CMC2: variants seen among roughly 807,000 people sequenced by gnomAD.
CMC2 encodes the protein C-X9-C motif containing 2, also known as COX assembly mitochondrial protein 2 homolog.
CMC2 carries 5 observed loss-of-function variants against 7.5 expected under a neutral mutation model. The observed-to-expected ratio is 0.66, with a 90% CI of 0.35 to 1.40. The LOEUF (loss-of-function observed/expected upper bound fraction) is 1.40, where lower values mean the gene tolerates loss of function less well. Among genes scored for constraint, CMC2 ranks in the 40% most tolerant of loss-of-function variants. CMC2 has a pLI of 0.04. For missense variants in CMC2, 115 were observed against 92.3 expected (o/e 1.25, Z -1.01); for synonymous variants, 37 against 31.4 (o/e 1.18, Z -0.60).
chr16:81,006,619 TC>T (rs1449793856), intron 1 of CMC2, 114 bp downstream of exon 1: 1 of 789,266 alleles, frequency 1.3e-6, no homozygotes, highest in Admixed American at 6.3e-5. Context: ...GTCTTCCTGG[TC>T]CCCACCTCCT....
Position 80,976,041 on chromosome 16 carries a change from A to C in CMC2, c.*52T>G. On this transcript the variant is annotated 3_prime_UTR_variant, in exon 4 of 4. Transcript: ENST00000219400. ...TAAGACAGGATTCTTTCAGGTATCA[A>C]CCCAGAGTCTTTAGGTCTTCTCTCA... is the stretch of plus-strand genomic sequence containing the variant. The C allele has an allele frequency of 9.9e-7, 1 of 1,007,270 alleles. No individual in the cohort carries two copies. The allele number at this position is 1,007,270 out of a possible 1,614,324, so 62.4% of individuals were successfully genotyped here.
rs1019102412 is a variant in CMC2, at chr16:80,973,078, T to A, written c.*3015A>T. On this transcript the variant is annotated 3_prime_UTR_variant, in exon 4 of 4. Coordinates refer to ENST00000219400, the MANE Select transcript of CMC2 (RefSeq NM_020188.5). Reference sequence around the variant, plus strand: ...TAGACAGGAGAAACAGATTTCACTCTGATCTACAGCAGGCTGGGGAAAGTC... The same window carrying A: ...TAGACAGGAGAAACAGATTTCACTCAGATCTACAGCAGGCTGGGGAAAGTC... 6.6e-6 allele frequency: 1 copy of A among 152,318 alleles called. No individual in the cohort carries two copies. The highest frequency in any genetic ancestry group is 2.4e-5 in the African/African-American group (1 of 41,472). 9.4% of individuals were successfully genotyped at this position (152,318 alleles called of 1,614,324 possible). A position where few individuals can be genotyped will look rare whatever the true frequency, so the allele number is the denominator to read the frequency against.
intron 2 of CMC2, among the ~76,000 whole-genome samples, chr16:80,991,602 C>T (rs1967997075): frequency 6.6e-6 from 1 of 151,836 alleles, no homozygotes; most frequent in Admixed American, 6.6e-5. Flanking sequence ...AATGACACTA[C>T]TGCACTCCAG....
At chr16:80,992,034 T>C (rs1348113225) in intron 2 of CMC2, 3 of 432,814 alleles carry the variant, frequency 6.9e-6, no homozygotes, top group African/African-American at 6.1e-5. Context: ...ATAACGATCA[T>C]GTATCAATAT....
intron 2 of CMC2, among the ~76,000 whole-genome samples, chr16:80,986,791 C>T (rs1191830497): frequency 6.6e-6 from 1 of 152,222 alleles, no homozygotes; most frequent in Non-Finnish European, 1.5e-5. Flanking sequence ...AAATTTGTAT[C>T]TGGACATGTT....
At position 80,997,495 on chromosome 16, in the gene CMC2, A is replaced by G. The variant is rs1408732658; in HGVS notation, c.-35-66T>C. On this transcript the variant is annotated intron_variant, in intron 1 of 3. Coordinates refer to ENST00000219400, the MANE Select transcript of CMC2 (RefSeq NM_020188.5). ...TGTTACGCCACCTAAAAGTATCTTC[A>G]TAAGAACCTCTAGTGACCTTTATCA... The G allele has an allele frequency of 1.6e-5, 13 of 834,102 alleles. No homozygotes were observed. In the Middle Eastern group the frequency reaches 1.1e-3, roughly 71 times the overall value. 51.7% of individuals were successfully genotyped at this position (834,102 alleles called of 1,614,324 possible).
At chr16:80,998,931 C>T (rs1313329010) in intron 1 of CMC2, 1 of 121,070 alleles carries the variant, frequency 8.3e-6, no homozygotes, top group Non-Finnish European at 1.9e-5. Flanking sequence ...AAACTAGGCA[C>T]TGAAGAACAT....
rs1034945268 is a variant in CMC2, at chr16:80,973,977, A to C, written c.*2116T>G. 2.0e-5 allele frequency: 3 copies of C among 152,184 alleles called. No homozygotes were observed. The highest frequency in any genetic ancestry group is 2.0e-4 in the Admixed American group (3 of 15,280). The allele number at this position is 152,184 out of a possible 1,614,324, so 9.4% of individuals were successfully genotyped here. A position where few individuals can be genotyped will look rare whatever the true frequency, so the allele number is the denominator to read the frequency against. On this transcript the variant is annotated 3_prime_UTR_variant, in exon 4 of 4. Coordinates refer to ENST00000219400, the MANE Select transcript of CMC2 (RefSeq NM_020188.5). Reference sequence around the variant, plus strand: ...TACTGACATTGGCCTACAGGGCCTTAGCTGGCATCTGCATGCTGACATCTC... The same window carrying C: ...TACTGACATTGGCCTACAGGGCCTTCGCTGGCATCTGCATGCTGACATCTC...
chr16:80,996,852 CAACTA>C (rs1968457592), intron 2 of CMC2: 1 of 229,466 alleles, frequency 4.4e-6, no homozygotes, highest in Admixed American at 5.2e-5. Flanking sequence ...ATTCCACTAA[CAACTA>C]AACACATCAG....
intron 2 of CMC2, chr16:80,988,487 A>C: frequency 1.5e-6 from 1 of 689,496 alleles, no homozygotes; most frequent in Non-Finnish European, 2.6e-6. Context: ...CAGTACAAAG[A>C]ATTTCCAAAT....
In CMC2 at chr16:80,977,046, T is replaced by A. The variant is rs148732228; in HGVS notation, c.154-867A>T. 3.1e-4 allele frequency among the ~76,000 whole-genome samples: 47 copies of A among 152,322 alleles called. No homozygotes were observed. In the South Asian group the frequency reaches 9.5e-3, roughly 31 times the overall value. On this transcript the variant is annotated intron_variant, in intron 3 of 3. Coordinates refer to ENST00000219400, the MANE Select transcript of CMC2 (RefSeq NM_020188.5). ...GGCCTACATCTTAGACCAGCTCACA[T>A]TGTATTTCTTTAGACATTATCAAGA... is the stretch of plus-strand genomic sequence containing the variant.
rs1555512297 is a variant in CMC2 at position 80,971,562 on chromosome 16, T to TATA, written c.*4530_*4531insTAT. On this transcript the variant is annotated 3_prime_UTR_variant, in exon 4 of 4. Transcript: ENST00000219400. ...GGCTATGGATACTGACATACATACATTTTATATATATATATATATATATGT... is the reference window on the plus strand; with the variant it reads ...GGCTATGGATACTGACATACATACATATATTTATATATATATATATATATATGT... 523 of 75,452 alleles carry TATA rather than the reference T, an allele frequency of 6.9e-3. 15 individuals are homozygous for TATA. Among genetic ancestry groups the TATA allele is most frequent in the African/African-American group, 0.027 (373 of 13,808 alleles). 4.7% of individuals were successfully genotyped at this position (75,452 alleles called of 1,614,324 possible). A position where few individuals can be genotyped will look rare whatever the true frequency, so the allele number is the denominator to read the frequency against.
intron 2 of CMC2, chr16:80,997,055 G>C (rs1968478334): frequency 1.9e-6 from 1 of 535,344 alleles, no homozygotes; most frequent in Admixed American, 2.9e-5. Flanking sequence ...TTTATTGTAA[G>C]AACATGGATT....
chr16:80,998,394 G>A (rs2602435), intron 1 of CMC2: 95,687 of 151,890 alleles, frequency 0.63, 31,670 homozygotes, highest in South Asian at 0.79. Flanking sequence ...TAAAGAGGAT[G>A]TGGAGAAACT....
intron 2 of CMC2, among the ~76,000 whole-genome samples, chr16:80,988,352 G>C (rs1967703754): frequency 6.6e-6 from 1 of 152,094 alleles, no homozygotes; most frequent in South Asian, 2.1e-4. Context: ...CAAACTCCTG[G>C]GCTCAATTTA....
intron 1 of CMC2, among the ~76,000 whole-genome samples, chr16:81,000,533 T>G (rs1268376434): frequency 6.6e-6 from 1 of 151,940 alleles, no homozygotes; most frequent in Non-Finnish European, 1.5e-5. Context: ...TAAAAAAAAG[T>G]GGGCAAAAGA....
intron 3 of CMC2, chr16:80,978,492 G>A: frequency 1.4e-6 from 1 of 695,466 alleles, no homozygotes; most frequent in Admixed American, 2.9e-5. Flanking sequence ...AGAATGAAAG[G>A]CCAATTAACC....
chr16:80,976,267 T>C (rs1912335381), intron 3 of CMC2, 88 bp from the exon 4 acceptor site: 3 of 697,962 alleles, frequency 4.3e-6, no homozygotes, highest in South Asian at 3.8e-5. Context: ...ATTTGCAAAA[T>C]ATAAATGTCC....
chr16:80,989,991 T>C (rs537268311), intron 2 of CMC2, among the ~76,000 whole-genome samples: 2 of 152,120 alleles, frequency 1.3e-5, no homozygotes, highest in African/African-American at 4.8e-5. Context: ...GGTTAGTTCA[T>C]TTTTTTCTTT....
Sources: allele counts gnomAD v4.1 joint callset (sites outside exome capture counted in the v4.1 genomes callset), GRCh38; gene constraint gnomAD v4.1.1; transcripts MANE v1.5; gene names NCBI Gene and HGNC (gene_info 2026-07-23, HGNC 2026-07-21).